VWA5B1: variants seen among roughly 807,000 people sequenced by gnomAD.
VWA5B1 encodes the protein von Willebrand factor A domain containing 5B1.
Under a neutral mutation model 118.2 loss-of-function variants are expected in VWA5B1, and 115 were observed. The ratio of observed to expected loss-of-function variants is 0.97; its 90% CI spans 0.84 to 1.14. The LOEUF (loss-of-function observed/expected upper bound fraction) is 1.14, where lower values mean the gene tolerates loss of function less well. Ranked by LOEUF, VWA5B1 falls within the 50% of genes most tolerant of loss-of-function variation. VWA5B1 has a pLI of 0.00. For synonymous variants in VWA5B1, 682 were observed against 658.4 expected, an observed-to-expected ratio of 1.04 and a Z score of -0.55; for missense variants, 1,596 against 1,603.8, an observed-to-expected ratio of 1.00 and a Z score of 0.08.
intron 4 of VWA5B1, among the ~76,000 whole-genome samples, chr1:20,315,588 G>A (rs528137892): frequency 1.8e-4 from 27 of 152,316 alleles, no homozygotes; most frequent in African/African-American, 6.0e-4. Flanking sequence ...CACCATTTGT[G>A]GCCTGACCTG....
At chr1:20,295,157 T>A (rs183463893) in intron 1 of VWA5B1, among the ~76,000 whole-genome samples, 6 of 152,182 alleles carry the variant, frequency 3.9e-5, no homozygotes, top group African/African-American at 1.4e-4. Flanking sequence ...TGAGTAGGTT[T>A]CAAAACACAG....
In VWA5B1 at chr1:20,310,688, G is replaced by A. The variant is rs746841583; in HGVS notation, c.87G>A (p.Leu29=). The part of the protein sequence containing the change: ...DVTSCVSGYA[L]GLTASLTYGN... ...CCTCCTGTGTCAGCGGTTATGCCCTGGGCCTAACTGCCTCCCTCACCTATG... is the reference window on the plus strand; with the variant it reads ...CCTCCTGTGTCAGCGGTTATGCCCTAGGCCTAACTGCCTCCCTCACCTATG... Residue 29 remains leucine, a synonymous_variant, in exon 2 of 22, where the codon CTG becomes CTA. Transcript: ENST00000289815. 1.3e-6 allele frequency: 2 copies of A among 1,551,032 alleles called. No homozygotes were observed. Among genetic ancestry groups the A allele is most frequent in the South Asian group, 2.4e-5 (2 of 83,962 alleles).
At chr1:20,308,821 A>T (rs763437254) in intron 1 of VWA5B1, among the ~76,000 whole-genome samples, 14 of 152,172 alleles carry the variant, frequency 9.2e-5, no homozygotes, top group Non-Finnish European at 1.9e-4. Flanking sequence ...AGCTGGGGAC[A>T]TGGAGGGGAC....
intron 1 of VWA5B1, among the ~76,000 whole-genome samples, chr1:20,309,204 G>A (rs947180565): frequency 6.6e-6 from 1 of 152,222 alleles, no homozygotes; most frequent in Non-Finnish European, 1.5e-5. Flanking sequence ...GTCGAATCAA[G>A]GTGAAGCCAA....
intron 12 of VWA5B1, 67 bp downstream of exon 12, chr1:20,333,018 C>A (rs959604872): frequency 2.7e-6 from 4 of 1,506,518 alleles, no homozygotes; most frequent in Non-Finnish European, 1.8e-6. Flanking sequence ...TCAGCCTTAG[C>A]TGGAAAGACT....
chr1:20,348,597 G>A (rs144274532), intron 18 of VWA5B1, among the ~76,000 whole-genome samples: 1 of 152,198 alleles, frequency 6.6e-6, no homozygotes, highest in African/African-American at 2.4e-5. Context: ...GCCAGGGAGC[G>A]GCACCACCTC....
chr1:20,310,865 C>A, intron 2 of VWA5B1, 125 bp downstream of exon 2: 1 of 1,317,172 alleles, frequency 7.6e-7, no homozygotes, highest in Non-Finnish European at 1.0e-6. Context: ...GTTTCCTCAT[C>A]TATAAAATGG....
chr1:20,339,962 G>A (rs1055236125), intron 14 of VWA5B1, among the ~76,000 whole-genome samples: 4 of 152,164 alleles, frequency 2.6e-5, no homozygotes, highest in Non-Finnish European at 4.4e-5. Flanking sequence ...ACTCTTCCAG[G>A]CATTGGCTGA....
At chr1:20,345,623 C>A in intron 17 of VWA5B1, 30 bp downstream of exon 17, 1 of 1,518,412 alleles carries the variant, frequency 6.6e-7, no homozygotes, top group South Asian at 1.3e-5. Context: ...GGGGGCACTC[C>A]TGGGGGCCAA....
At chr1:20,301,745 A>T (rs1326704221) in intron 1 of VWA5B1, among the ~76,000 whole-genome samples, 1 of 152,234 alleles carries the variant, frequency 6.6e-6, no homozygotes, top group Non-Finnish European at 1.5e-5. Flanking sequence ...GCGGAGCCAC[A>T]GGGATGCTAG....
Position 20,310,624 on chromosome 1 carries a change from T to C in VWA5B1, c.23T>C (p.Ile8Thr). 6.5e-7 allele frequency: 1 copy of C among 1,545,714 alleles called. No individual in the cohort carries two copies. The highest frequency in any genetic ancestry group is 8.7e-7 in the Non-Finnish European group (1 of 1,144,620). Residue 8 changes from isoleucine to threonine, a missense_variant, in exon 2 of 22, where the codon ATC becomes ACC. Transcript: ENST00000289815. MPGLLNW[I>T]TGAALPLTAS... ...GGGATGCCCGGCTTGCTGAATTGGA[T>C]CACGGGGGCAGCCCTGCCCCTCACC... is the stretch of plus-strand genomic sequence containing the variant.
chr1:20,344,088 A>G (rs2089957786), intron 16 of VWA5B1, among the ~76,000 whole-genome samples: 1 of 147,380 alleles, frequency 6.8e-6, no homozygotes, highest in African/African-American at 2.5e-5. Context: ...CAACACACGC[A>G]TAGCCCAGGG....
At chr1:20,325,590 C>A (rs2089355357) in intron 8 of VWA5B1, among the ~76,000 whole-genome samples, 1 of 152,188 alleles carries the variant, frequency 6.6e-6, no homozygotes, top group Non-Finnish European at 1.5e-5. Flanking sequence ...AATCCACTTC[C>A]TGGACTGAAA....
Position 20,358,337 on chromosome 1 carries a change from T to C in VWA5B1, c.*4074T>C, listed in dbSNP as rs2090264575. 6.6e-6 allele frequency among the ~76,000 whole-genome samples: 1 copy of C among 152,236 alleles called. No individual in the cohort carries two copies. The highest frequency in any genetic ancestry group is 1.5e-5 in the Non-Finnish European group (1 of 68,042). ...AGGAACAGCTGTCAAAAAAGGTTTC[T>C]GGAAGTTTCCTCTAGATCCTGACTT... On this transcript the variant is annotated 3_prime_UTR_variant, in exon 22 of 22. Coordinates refer to ENST00000289815, the MANE Select transcript of VWA5B1 (RefSeq NM_001039500.3).
chr1:20,305,733 GC>G (rs1434893818), intron 1 of VWA5B1, among the ~76,000 whole-genome samples: 1 of 152,032 alleles, frequency 6.6e-6, no homozygotes, highest in East Asian at 2.0e-4. Flanking sequence ...TGGTTTGATG[GC>G]CTGTTACAAG....
At position 20,353,888 on chromosome 1, in the gene VWA5B1, G is replaced by A. The variant is rs532241975; in HGVS notation, c.3273G>A (p.Pro1091=). The A allele has an allele frequency of 1.1e-4, 176 of 1,547,294 alleles. No homozygotes were observed. The highest frequency in any genetic ancestry group is 7.1e-4 in the African/African-American group (52 of 73,128). The change falls in exon 22 of 22, where the codon CCG becomes CCA. Residue 1091 remains proline, a synonymous_variant. Coordinates refer to ENST00000289815, the MANE Select transcript of VWA5B1 (RefSeq NM_001039500.3). ...TCHRVSLTTR[P]SESKTPSPQL... is the part of the protein sequence containing the mutation. Reference sequence around the variant, plus strand: ...ATCGAGTGTCCCTCACCACCCGCCCGTCTGAGTCCAAGACCCCGAGTCCCC... The same window carrying A: ...ATCGAGTGTCCCTCACCACCCGCCCATCTGAGTCCAAGACCCCGAGTCCCC...
intron 20 of VWA5B1, 23 bp downstream of exon 20, chr1:20,350,949 G>A (rs757452574): frequency 6.1e-5 from 94 of 1,550,054 alleles, no homozygotes; most frequent in Non-Finnish European, 7.9e-5. Flanking sequence ...TCCAATAAAG[G>A]TACACTCTCC....
chr1:20,291,876 G>T (rs898956039), intron 1 of VWA5B1, among the ~76,000 whole-genome samples: 1 of 152,176 alleles, frequency 6.6e-6, no homozygotes, highest in East Asian at 1.9e-4. Flanking sequence ...TCAAGCCTCC[G>T]CTGGAAGTTC....
chr1:20,308,701 A>G (rs2088746034), intron 1 of VWA5B1, among the ~76,000 whole-genome samples: 1 of 152,142 alleles, frequency 6.6e-6, no homozygotes, highest in South Asian at 2.1e-4. Context: ...TCAGCCCAAC[A>G]GGAGATAAGC....
Sources: allele counts gnomAD v4.1 joint callset (sites outside exome capture counted in the v4.1 genomes callset), GRCh38; gene constraint gnomAD v4.1.1; transcripts MANE v1.5; gene names NCBI Gene and HGNC (gene_info 2026-07-23, HGNC 2026-07-21).